Variants in CDH23 observed in about 807,000 individuals in gnomAD.
The protein encoded by CDH23 is cadherin-23.
CDH23 carries 189 observed loss-of-function variants against 317.1 expected under a neutral mutation model. That is an observed-to-expected ratio of 0.60 (90% confidence interval 0.53 to 0.67). The LOEUF (loss-of-function observed/expected upper bound fraction) is 0.67, where lower values mean the gene tolerates loss of function less well. Ranked by LOEUF, CDH23 falls within the 30% of genes least tolerant of loss-of-function variation. CDH23 has a pLI of 0.00. For missense variants in CDH23, 4,401 were observed against 4,592.4 expected (o/e 0.96, Z 1.20); for synonymous variants, 1,839 against 1,876.8 (o/e 0.98, Z 0.52).
chr10:71,762,866 G>T (rs944008281), intron 38 of CDH23, among the ~76,000 whole-genome samples: 3 of 152,162 alleles, frequency 2.0e-5, no homozygotes, highest in Non-Finnish European at 2.9e-5. Flanking sequence ...GTTCTGTTTG[G>T]TTTTTTTCAC....
intron 11 of CDH23, among the ~76,000 whole-genome samples, chr10:71,631,230 A>G (rs1407353449): frequency 6.6e-6 from 1 of 152,152 alleles, no homozygotes; most frequent in Non-Finnish European, 1.5e-5. Flanking sequence ...GCAACAGAGC[A>G]AGACCCCAAC....
intron 38 of CDH23, among the ~76,000 whole-genome samples, chr10:71,758,927 T>G (rs1187332345): frequency 6.6e-6 from 1 of 152,156 alleles, no homozygotes; most frequent in Non-Finnish European, 1.5e-5. Flanking sequence ...TGGAGTGCAG[T>G]GGTGTGATCT....
chr10:71,807,305 CAG>C lies in CDH23; in HGVS notation c.8208_8209del (p.Val2737AlafsTer2). 6.2e-7 allele frequency: 1 copy of C among 1,613,910 alleles called. No individual in the cohort carries two copies. The highest frequency in any genetic ancestry group is 1.1e-5 in the South Asian group (1 of 91,056). ...GGCAGCCCCCAGTACCAGCTGCTGA[CAG>C]TGCCTGAGCACTCACCACGCGGCAC... On this transcript the variant is annotated frameshift_variant, in exon 58 of 70. Coordinates refer to ENST00000224721, the MANE Select transcript of CDH23 (RefSeq NM_022124.6). LOFTEE classifies it high-confidence loss of function.
chr10:71,431,147 C>T (rs538067574), intron 1 of CDH23, among the ~76,000 whole-genome samples: 2 of 152,330 alleles, frequency 1.3e-5, no homozygotes, highest in South Asian at 4.1e-4. Flanking sequence ...TAGTTATTTA[C>T]TACGTCCGTA....
chr10:71,518,816 C>T (rs1854488817), intron 6 of CDH23, among the ~76,000 whole-genome samples: 1 of 152,184 alleles, frequency 6.6e-6, no homozygotes, highest in Non-Finnish European at 1.5e-5. Flanking sequence ...AACCAGGGCC[C>T]TGAGCTCAGC....
chr10:71,400,907 A>G (rs1847750271), intron 1 of CDH23, among the ~76,000 whole-genome samples: 1 of 152,224 alleles, frequency 6.6e-6, no homozygotes, highest in Non-Finnish European at 1.5e-5. Context: ...GATTGTAAAA[A>G]TTGACCTAAT....
intron 30 of CDH23, among the ~76,000 whole-genome samples, chr10:71,728,372 C>T (rs1178279016): frequency 6.6e-6 from 1 of 152,048 alleles, no homozygotes; most frequent in Admixed American, 6.6e-5. Flanking sequence ...CTAGAAGCAG[C>T]GATGCAGAGA....
At chr10:71,653,923 G>A (rs910442477) in intron 14 of CDH23, among the ~76,000 whole-genome samples, 4 of 152,202 alleles carry the variant, frequency 2.6e-5, no homozygotes, top group Non-Finnish European at 5.9e-5. Context: ...ACTTCAGAGA[G>A]CATTGGTATT....
At chr10:71,433,773 C>G (rs1168077483) in intron 1 of CDH23, among the ~76,000 whole-genome samples, 1 of 151,966 alleles carries the variant, frequency 6.6e-6, no homozygotes, top group African/African-American at 2.4e-5. Flanking sequence ...AGCAGGAAAC[C>G]CTCTCAGCTC....
rs1158798755 is a variant in CDH23, at chr10:71,793,346, T to C, written c.6418T>C (p.Tyr2140His). ...ATIDREEQES[Y>H]RLTVVATDRG... ...CATCGACAGAGAGGAGCAGGAGTCC[T>C]ACAGGCTAACGGTGGTGGCCACCGA... The change falls in exon 48 of 70, where the codon TAC becomes CAC. Residue 2140 changes from tyrosine (Y) to histidine (H), a missense_variant. Physicochemically the swap from Tyr to His is moderately conservative, Grantham distance 83. This residue lies in a region of CDH23 where 3,068 missense variants were observed against 3,203.3 expected (regional missense o/e 0.96). Coordinates refer to ENST00000224721, the MANE Select transcript of CDH23 (RefSeq NM_022124.6). The C allele has an allele frequency of 1.9e-6, 3 of 1,613,984 alleles. No homozygotes were observed. Among genetic ancestry groups the C allele is most frequent in the African/African-American group, 1.3e-5 (1 of 75,028 alleles).
intron 1 of CDH23, among the ~76,000 whole-genome samples, chr10:71,429,164 G>A (rs199531540): frequency 6.6e-6 from 1 of 152,158 alleles, no homozygotes; most frequent in East Asian, 1.9e-4. Flanking sequence ...TTGTTATCTC[G>A]ATAAAGCTGC....
At chr10:71,684,314 C>A (rs1158865060) in intron 18 of CDH23, among the ~76,000 whole-genome samples, 2 of 152,182 alleles carry the variant, frequency 1.3e-5, no homozygotes, top group Non-Finnish European at 2.9e-5. Flanking sequence ...GCTGCACTCA[C>A]AACCCTGACC....
intron 6 of CDH23, among the ~76,000 whole-genome samples, chr10:71,532,893 C>CT (rs1316628506): frequency 1.3e-5 from 2 of 151,952 alleles, no homozygotes; most frequent in African/African-American, 4.8e-5. Flanking sequence ...CCATGCCTGG[C>CT]TAATTTTTTG....
intron 1 of CDH23, among the ~76,000 whole-genome samples, chr10:71,412,305 T>C (rs1158124777): frequency 6.6e-6 from 1 of 152,212 alleles, no homozygotes; most frequent in Non-Finnish European, 1.5e-5. Context: ...CTGCTATCAA[T>C]TCTTTTGAGT....
chr10:71,550,018 G>A lies in CDH23; in HGVS notation c.430-16724G>A, dbSNP rs981465494. On this transcript the variant is annotated intron_variant, in intron 6 of 69. Coordinates refer to ENST00000224721, the MANE Select transcript of CDH23 (RefSeq NM_022124.6). ...CCAGGATATTAACGGGCTTCCCGCA[G>A]ATGGAAACTTCTCTTTGGAAACAGG... Among the ~76,000 whole-genome samples the A allele has an allele frequency of 3.3e-5, 5 of 152,326 alleles. No homozygotes were observed. In the East Asian group the frequency reaches 5.8e-4, roughly 18 times the overall value.
At chr10:71,791,412 G>A (rs1841247760) in intron 47 of CDH23, 77 bp downstream of exon 47, 16 of 1,329,748 alleles carry the variant, frequency 1.2e-5, no homozygotes, top group Non-Finnish European at 1.7e-5. Flanking sequence ...CCTCAGGTTG[G>A]ACACGGAGTT....
chr10:71,635,289 C>A (rs1862211720), intron 11 of CDH23: 2 of 152,626 alleles, frequency 1.3e-5, no homozygotes, highest in African/African-American at 2.4e-5. Context: ...GGAAGGTCTG[C>A]ACGTGCAGGT....
chr10:71,505,088 T>C (rs113232583), intron 3 of CDH23, among the ~76,000 whole-genome samples: 2,523 of 152,272 alleles, frequency 0.017, 58 homozygotes, highest in African/African-American at 0.054. Context: ...CAGAAATAGA[T>C]CTTGTGATGA....
At chr10:71,606,343 A>G (rs74147374) in intron 9 of CDH23, among the ~76,000 whole-genome samples, 5,468 of 152,330 alleles carry the variant, frequency 0.036, 124 homozygotes, top group East Asian at 0.081. Context: ...AGCTCAAACA[A>G]ACATAGCACT....
Sources: allele counts gnomAD v4.1 joint callset (sites outside exome capture counted in the v4.1 genomes callset), GRCh38; gene constraint gnomAD v4.1.1; regional missense constraint gnomAD v4.1.1; transcripts MANE v1.5; gene names NCBI Gene and HGNC (gene_info 2026-07-23, HGNC 2026-07-21).